The following HSF2BP variants were observed in gnomAD, a reference collection of about 807,000 sequenced individuals.
HSF2BP encodes the protein heat shock transcription factor 2 binding protein.
A neutral mutation model predicts 35.0 loss-of-function variants in HSF2BP; 35 were observed. That is an observed-to-expected ratio of 1.00 (90% CI 0.76 to 1.32). The LOEUF is 1.32. HSF2BP is among the 40% of genes most tolerant of loss of function. HSF2BP has a pLI of 0.00. For synonymous variants in HSF2BP, 114 were observed against 117.4 expected (o/e 0.97, Z 0.18); for missense variants, 326 against 321.7 (o/e 1.01, Z -0.10).
At chr21:43,575,028 G>A (rs1158469003) in intron 8 of HSF2BP, among the ~76,000 whole-genome samples, 1 of 152,240 alleles carries the variant, frequency 6.6e-6, no homozygotes, top group African/African-American at 2.4e-5. Flanking sequence ...AGGAGCAGCA[G>A]GGCCTTCCCT....
At chr21:43,619,365 G>T (rs959311860) in intron 6 of HSF2BP, among the ~76,000 whole-genome samples, 2 of 152,098 alleles carry the variant, frequency 1.3e-5, no homozygotes, top group Non-Finnish European at 2.9e-5. Context: ...TGGGCAACAA[G>T]GAGTTTCTAG....
At position 43,626,270 on chromosome 21, in the gene HSF2BP, A is replaced by G. The variant is rs569781460; in HGVS notation, c.574+4052T>C. On this transcript the variant is annotated intron_variant, in intron 6 of 8. Transcript: ENST00000291560. The stretch of plus-strand genomic sequence containing the variant: ...TCAATAAAAGAATAACACCAAAAGA[A>G]AAATAAAATTTTCTCTCACTTTAAC... 8.5e-5 allele frequency among the ~76,000 whole-genome samples: 13 copies of G among 152,352 alleles called. No individual in the cohort carries two copies. The East Asian group carries it at 2.5e-3, about 29-fold the overall frequency.
intron 7 of HSF2BP, among the ~76,000 whole-genome samples, chr21:43,608,392 C>A (rs1193185091): frequency 1.3e-5 from 2 of 152,158 alleles, no homozygotes; most frequent in African/African-American, 2.4e-5. Context: ...ATCAAAACCA[C>A]AATGAGGTAC....
Position 43,630,343 on chromosome 21 carries a change from C to T in HSF2BP, c.553G>A (p.Ala185Thr), listed in dbSNP as rs375041296. The change falls in exon 6 of 9, where the codon GCT becomes ACT. Residue 185 changes from alanine to threonine, a missense_variant. By Grantham distance (58) the Ala-to-Thr change is moderately conservative. Coordinates refer to ENST00000291560, the MANE Select transcript of HSF2BP (RefSeq NM_007031.2). ...TTACTCGTGACAATTCCAGCCAGAG[C>T]GAAAACAAACTGACTTTCATCCGAA... Reference protein sequence around the residue: ...LDSDESQFVFALAGIVTNVAA... With the variant: ...LDSDESQFVFTLAGIVTNVAA... 38 of 1,611,896 alleles carry T rather than the reference C, an allele frequency of 2.4e-5. No individual in the cohort carries two copies. Among genetic ancestry groups the T allele is most frequent in the Non-Finnish European group, 2.9e-5 (34 of 1,179,298 alleles).
At chr21:43,635,822 G>A (rs1312370279) in intron 4 of HSF2BP, among the ~76,000 whole-genome samples, 2 of 151,664 alleles carry the variant, frequency 1.3e-5, no homozygotes, top group African/African-American at 2.4e-5. Flanking sequence ...CCACCTACTC[G>A]GGAGGCTGAG....
chr21:43,597,007 G>A lies in HSF2BP; in HGVS notation c.693-4679C>T, dbSNP rs1279516135. Among the ~76,000 whole-genome samples, 2 of 152,070 alleles carry A rather than the reference G, an allele frequency of 1.3e-5. No homozygotes were observed. The highest frequency in any genetic ancestry group is 4.8e-5 in the African/African-American group (2 of 41,404). ...TCAGAAACCTGGGGATGACCAGCTT[G>A]AGAAGTAAAACCACAGAGTCCAGGG... On this transcript the variant is annotated intron_variant, in intron 7 of 8. Coordinates refer to ENST00000291560, the MANE Select transcript of HSF2BP (RefSeq NM_007031.2). This position sits in a 1 kb window ranked among gnomAD's most constrained non-coding sequence, Gnocchi z 4.3.
intron 6 of HSF2BP, among the ~76,000 whole-genome samples, chr21:43,621,528 GAAA>G (rs762757429): frequency 1.4e-5 from 2 of 140,240 alleles, no homozygotes; most frequent in African/African-American, 2.6e-5. Flanking sequence ...TTCTGTCTCA[GAAA>G]AAAAAAAAAG....
At chr21:43,635,977 T>C (rs550952123) in intron 4 of HSF2BP, among the ~76,000 whole-genome samples, 5 of 145,256 alleles carry the variant, frequency 3.4e-5, no homozygotes, top group Admixed American at 1.4e-4. Flanking sequence ...CAGTGGCTAA[T>C]TGTACCTTGG....
intron 8 of HSF2BP, among the ~76,000 whole-genome samples, chr21:43,535,729 TAA>T (rs370583817): frequency 9.3e-4 from 12 of 12,872 alleles, no homozygotes; most frequent in African/African-American, 3.6e-3. Context: ...TAAAATAAAA[TAA>T]AATAAAATAA....
At chr21:43,574,712 C>T (rs1163695366) in intron 8 of HSF2BP, among the ~76,000 whole-genome samples, 1 of 152,184 alleles carries the variant, frequency 6.6e-6, no homozygotes, top group Non-Finnish European at 1.5e-5. Context: ...CCGACCCCAA[C>T]ATCCACGACG....
At chr21:43,638,453 A>C (rs1475902795) in intron 4 of HSF2BP, among the ~76,000 whole-genome samples, 1 of 152,212 alleles carries the variant, frequency 6.6e-6, no homozygotes, top group Non-Finnish European at 1.5e-5. Context: ...ATAAACAAAC[A>C]AAAAGCAACC....
intron 4 of HSF2BP, among the ~76,000 whole-genome samples, chr21:43,643,565 T>A (rs1439717829): frequency 6.6e-6 from 1 of 152,194 alleles, no homozygotes; most frequent in African/African-American, 2.4e-5. Flanking sequence ...CCTTCTGTCA[T>A]GATTTGAAGC....
In HSF2BP at chr21:43,630,319, T is replaced by A. The variant is rs769016150; in HGVS notation, c.574+3A>T. ...AACATCTCTCAGGTGCGCCTGCACT[T>A]ACTCGTGACAATTCCAGCCAGAGCG... is the stretch of plus-strand genomic sequence containing the variant. On this transcript the variant is annotated splice_donor_region_variant and intron_variant, in intron 6 of 8. Transcript: ENST00000291560. 6.2e-7 allele frequency: 1 copy of A among 1,610,912 alleles called. No homozygotes were observed. Among genetic ancestry groups the A allele is most frequent in the East Asian group, 2.2e-5 (1 of 44,812 alleles).
At chr21:43,638,134 A>T (rs2082589294) in intron 4 of HSF2BP, among the ~76,000 whole-genome samples, 1 of 152,150 alleles carries the variant, frequency 6.6e-6, no homozygotes, top group African/African-American at 2.4e-5. Flanking sequence ...AGAAATCCAT[A>T]AAAGAACTCC....
At chr21:43,629,216 T>C (rs2082425209) in intron 6 of HSF2BP, among the ~76,000 whole-genome samples, 2 of 152,218 alleles carry the variant, frequency 1.3e-5, no homozygotes, top group African/African-American at 2.4e-5. Context: ...TGGATCTGGG[T>C]GAAGTAAACT....
intron 8 of HSF2BP, among the ~76,000 whole-genome samples, chr21:43,574,036 T>C (rs990381436): frequency 2.0e-5 from 3 of 151,948 alleles, no homozygotes; most frequent in African/African-American, 7.3e-5. Context: ...CCTCTGTGAG[T>C]GAGCAGGGCC....
chr21:43,586,395 C>T (rs1476091701), intron 8 of HSF2BP, among the ~76,000 whole-genome samples: 1 of 152,162 alleles, frequency 6.6e-6, no homozygotes, highest in Non-Finnish European at 1.5e-5. Flanking sequence ...TTGAAAGTAA[C>T]CTGCCACCTT....
At chr21:43,614,168 A>T (rs1478321646) in intron 6 of HSF2BP, among the ~76,000 whole-genome samples, 1 of 152,134 alleles carries the variant, frequency 6.6e-6, no homozygotes, top group Non-Finnish European at 1.5e-5. Flanking sequence ...GTTCAAGACC[A>T]GCCTGGGCAA....
At chr21:43,591,346 T>C (rs2081923350) in intron 8 of HSF2BP, among the ~76,000 whole-genome samples, 1 of 152,178 alleles carries the variant, frequency 6.6e-6, no homozygotes, top group African/African-American at 2.4e-5. Context: ...TATTTAACAA[T>C]GGGTCTTCTC....
Sources: gnomAD v4.1 joint callset for allele counts (sites outside exome capture counted in the v4.1 genomes callset) on GRCh38, gnomAD v4.1.1 for gene constraint, Gnocchi (gnomAD v3.1) non-coding constraint, MANE v1.5 for transcripts, NCBI Gene and HGNC (gene_info 2026-07-23, HGNC 2026-07-21) for gene names.